GAD2: variants seen among roughly 807,000 people sequenced by gnomAD.
The protein encoded by GAD2 is glutamate decarboxylase 2.
In GAD2, 22 loss-of-function variants were observed where a neutral mutation model predicts 80.1. The ratio of observed to expected loss-of-function variants is 0.27; its 90% CI spans 0.20 to 0.39. The LOEUF (loss-of-function observed/expected upper bound fraction) is 0.39. Among genes scored for constraint, GAD2 ranks in the 10% least tolerant of loss-of-function variants. GAD2 has a pLI of 1.00. For missense variants in GAD2, 624 were observed against 738.4 expected, an observed-to-expected ratio of 0.85 and a Z score of 1.80; for synonymous variants, 274 against 256.9, an observed-to-expected ratio of 1.07 and a Z score of -0.64.
At chr10:26,291,186 G>A (rs1834210801) in intron 13 of GAD2, among the ~76,000 whole-genome samples, 1 of 152,186 alleles carries the variant, frequency 6.6e-6, no homozygotes, top group African/African-American at 2.4e-5. Context: ...CTCCAGACTG[G>A]TCCAAAGGAT....
At chr10:26,234,412 C>T (rs1844645092) in intron 7 of GAD2, among the ~76,000 whole-genome samples, 1 of 152,134 alleles carries the variant, frequency 6.6e-6, no homozygotes, top group Admixed American at 6.6e-5. Flanking sequence ...ATACTTTGCC[C>T]ATGGTGTCAC....
chr10:26,249,390 G>A (rs1844851373), intron 8 of GAD2, among the ~76,000 whole-genome samples: 1 of 152,190 alleles, frequency 6.6e-6, no homozygotes, highest in Admixed American at 6.5e-5. Context: ...CTTAAGAACT[G>A]AGATTTGAAG....
intron 15 of GAD2, among the ~76,000 whole-genome samples, chr10:26,300,325 T>C (rs1229982598): frequency 6.6e-6 from 1 of 152,136 alleles, no homozygotes; most frequent in Non-Finnish European, 1.5e-5. Flanking sequence ...ACTAGAAAGC[T>C]CTGGGGTTTC....
chr10:26,222,625 A>G (rs1019575692), intron 4 of GAD2, among the ~76,000 whole-genome samples: 2 of 152,218 alleles, frequency 1.3e-5, no homozygotes, highest in Non-Finnish European at 2.9e-5. Flanking sequence ...ACGAGGCCAC[A>G]AGGACATAAA....
At chr10:26,248,324 G>T (rs2132289784) in intron 8 of GAD2, among the ~76,000 whole-genome samples, 1 of 152,292 alleles carries the variant, frequency 6.6e-6, no homozygotes, top group Non-Finnish European at 1.5e-5. Flanking sequence ...AAATTTTGAG[G>T]TCAGCAGAAA....
Position 26,240,739 on chromosome 10 carries a change from A to C in GAD2, c.841-5182A>C, listed in dbSNP as rs542003209. On this transcript the variant is annotated intron_variant, in intron 7 of 15. Coordinates refer to ENST00000376261, the MANE Select transcript of GAD2 (RefSeq NM_001134366.2). ...AGAGTGAGACTCCATCACAAAAAAA[A>C]AAAAAAATGTGGATGGGTGCAGTGG... Among the ~76,000 whole-genome samples, 786 of 151,130 alleles carry C rather than the reference A, an allele frequency of 5.2e-3. 9 individuals carry two copies. The highest frequency in any genetic ancestry group is 0.018 in the African/African-American group (743 of 41,114).
chr10:26,251,763 G>C (rs1245548087), intron 8 of GAD2, among the ~76,000 whole-genome samples: 2 of 152,194 alleles, frequency 1.3e-5, no homozygotes, highest in Non-Finnish European at 2.9e-5. Context: ...TTGTATGAGA[G>C]TATGTTGGAA....
chr10:26,225,846 AT>A (rs1304223625), intron 6 of GAD2, among the ~76,000 whole-genome samples: 6 of 152,226 alleles, frequency 3.9e-5, no homozygotes, highest in Non-Finnish European at 8.8e-5. Context: ...GCTGTGATGA[AT>A]TTTAAGCTAG....
chr10:26,290,040 A>C (rs1237344189), intron 13 of GAD2, among the ~76,000 whole-genome samples: 1 of 152,176 alleles, frequency 6.6e-6, no homozygotes, highest in Non-Finnish European at 1.5e-5. Context: ...TTTTCTAATT[A>C]AAAATGTGGA....
intron 8 of GAD2, among the ~76,000 whole-genome samples, chr10:26,264,761 C>T (rs898718698): frequency 1.3e-5 from 2 of 152,194 alleles, no homozygotes; most frequent in African/African-American, 2.4e-5. Flanking sequence ...TTTATCGTTG[C>T]TGCTGATAGT....
At position 26,302,449 on chromosome 10, in the gene GAD2, C is replaced by G. The variant is rs1300812164; in HGVS notation, c.*1488C>G. 6.6e-6 allele frequency: 1 copy of G among 152,120 alleles called. No individual in the cohort carries two copies. The highest frequency in any genetic ancestry group is 1.5e-5 in the Non-Finnish European group (1 of 68,014). The allele number at this position is 152,120 out of a possible 1,614,324, so 9.4% of individuals were successfully genotyped here. On this transcript the variant is annotated 3_prime_UTR_variant, in exon 16 of 16. Transcript: ENST00000376261. ...TGTGAACCTGATAGAAAAACATGAGCTAACAAAAGCTTCCATAGATATTTA... is the reference window on the plus strand; with the variant it reads ...TGTGAACCTGATAGAAAAACATGAGGTAACAAAAGCTTCCATAGATATTTA...
chr10:26,216,737 G>A, upstream of GAD2: 7 of 1,361,000 alleles, frequency 5.1e-6, no homozygotes, highest in Non-Finnish European at 7.1e-6. This position sits in a 1 kb window ranked among gnomAD's most constrained non-coding sequence, Gnocchi z 4.7. Flanking sequence ...ACGCACGCGC[G>A]CGCAGGGCCA....
intron 13 of GAD2, among the ~76,000 whole-genome samples, chr10:26,290,887 G>A (rs912960429): frequency 6.6e-6 from 1 of 152,216 alleles, no homozygotes. Context: ...GGCACCCAGG[G>A]CACACTAGAG....
chr10:26,264,471 G>A (rs1381423122), intron 8 of GAD2, among the ~76,000 whole-genome samples: 1 of 142,154 alleles, frequency 7.0e-6, no homozygotes, highest in East Asian at 2.0e-4. Context: ...ACCACGCCCG[G>A]CTGATTTTTT....
intron 15 of GAD2, among the ~76,000 whole-genome samples, chr10:26,297,273 A>G (rs980082166): frequency 6.6e-6 from 1 of 152,228 alleles, no homozygotes; most frequent in Non-Finnish European, 1.5e-5. Flanking sequence ...TACATTTTTC[A>G]GAAATTTCTC....
chr10:26,251,056 C>CTTTTTTTT (rs60993936), intron 8 of GAD2, among the ~76,000 whole-genome samples: 1 of 119,854 alleles, frequency 8.3e-6, no homozygotes, highest in Non-Finnish European at 1.7e-5. Context: ...TTTTTTTTTG[C>CTTTTTTTT]TTTTTTTTTT....
chr10:26,299,050 A>G (rs546897518), intron 15 of GAD2, among the ~76,000 whole-genome samples: 48 of 152,312 alleles, frequency 3.2e-4, no homozygotes, highest in African/African-American at 1.1e-3. Flanking sequence ...TAAGAACTCA[A>G]TGTAGAGTCA....
chr10:26,272,483 T>A (rs1845147619), intron 10 of GAD2, among the ~76,000 whole-genome samples: 2 of 152,232 alleles, frequency 1.3e-5, no homozygotes, highest in Non-Finnish European at 2.9e-5. Flanking sequence ...TACCACTTAC[T>A]CTTATTAGCT....
At chr10:26,272,253 A>G (rs960295823) in intron 10 of GAD2, among the ~76,000 whole-genome samples, 1 of 152,188 alleles carries the variant, frequency 6.6e-6, no homozygotes, top group African/African-American at 2.4e-5. Context: ...AGACTGAACT[A>G]TCCGATATCA....
Sources: allele counts gnomAD v4.1 joint callset (sites outside exome capture counted in the v4.1 genomes callset), GRCh38; gene constraint gnomAD v4.1.1; non-coding constraint Gnocchi (gnomAD v3.1); transcripts MANE v1.5; gene names NCBI Gene and HGNC (gene_info 2026-07-23, HGNC 2026-07-21).